The following NAV3 variants were observed in gnomAD, a reference collection of about 807,000 sequenced individuals.
NAV3 encodes the protein pore membrane and/or filament interacting like protein 1.
A neutral mutation model predicts 244.7 loss-of-function variants in NAV3; 87 were observed. The observed-to-expected ratio is 0.36, with a 90% CI of 0.30 to 0.42. The LOEUF is 0.42. Among genes scored for constraint, NAV3 ranks in the 20% least tolerant of loss-of-function variants. The pLI, the probability that NAV3 is intolerant of heterozygous loss-of-function variation, is 1.00. For synonymous variants in NAV3, 1,126 were observed against 1,042.2 expected (o/e 1.08, Z -1.55); for missense variants, 2,663 against 2,893.3 (o/e 0.92, Z 1.83).
At chr12:77,791,537 T>G (rs1018815998) in intron 2 of NAV3, among the ~76,000 whole-genome samples, 3 of 152,270 alleles carry the variant, frequency 2.0e-5, no homozygotes, top group African/African-American at 7.2e-5. Flanking sequence ...TATTGTCTCA[T>G]TTAAACCATA....
At chr12:78,109,083 T>A (rs1052470496) in intron 12 of NAV3, among the ~76,000 whole-genome samples, 1 of 151,636 alleles carries the variant, frequency 6.6e-6, no homozygotes, top group African/African-American at 2.4e-5. Context: ...GGAAAAAGAA[T>A]ATCCAAATAA....
At chr12:77,673,999 A>G (rs1356297988) in intron 2 of NAV3, among the ~76,000 whole-genome samples, 1 of 152,120 alleles carries the variant, frequency 6.6e-6, no homozygotes, top group Non-Finnish European at 1.5e-5. Flanking sequence ...CCTAATTTTA[A>G]CTTTCAAACT....
chr12:77,896,081 TG>T (rs778166048), intron 1 of NAV3, among the ~76,000 whole-genome samples: 1 of 151,940 alleles, frequency 6.6e-6, no homozygotes, highest in Non-Finnish European at 1.5e-5. Flanking sequence ...ATAGTAAGGA[TG>T]TATTTTTAAT....
intron 2 of NAV3, among the ~76,000 whole-genome samples, chr12:77,656,651 A>G (rs1316758838): frequency 1.4e-5 from 2 of 139,514 alleles, no homozygotes; most frequent in African/African-American, 2.9e-5. Context: ...TCAACAGAAT[A>G]TACATTTTTT....
At chr12:78,111,708 C>A (rs1319548637) in intron 12 of NAV3, among the ~76,000 whole-genome samples, 1 of 151,966 alleles carries the variant, frequency 6.6e-6, no homozygotes, top group African/African-American at 2.4e-5. Flanking sequence ...TTTATTCACC[C>A]AAAATATATG....
intron 2 of NAV3, among the ~76,000 whole-genome samples, chr12:77,642,949 A>G (rs1307792046): frequency 4.6e-5 from 7 of 152,070 alleles, no homozygotes. Flanking sequence ...TAGGATTTTC[A>G]TAAATCTTTT....
intron 13 of NAV3, 46 bp from the exon 14 acceptor site, chr12:78,117,981 A>G (rs758148729): frequency 1.1e-5 from 16 of 1,496,170 alleles, no homozygotes; most frequent in Non-Finnish European, 1.3e-5. Context: ...TTCATACTTT[A>G]TAAATTTTTC....
intron 38 of NAV3, among the ~76,000 whole-genome samples, chr12:78,202,178 G>T (rs6538751): frequency 0.51 from 76,747 of 151,052 alleles, 20,499 homozygotes; most frequent in East Asian, 0.8. Context: ...AGAATTCTTA[G>T]AAAACTACTA....
intron 8 of NAV3, among the ~76,000 whole-genome samples, chr12:78,018,811 C>T (rs935050434): frequency 3.9e-5 from 6 of 152,088 alleles, no homozygotes; most frequent in African/African-American, 1.2e-4. Context: ...TAATAAAAAT[C>T]CTTAGAACAC....
intron 1 of NAV3, among the ~76,000 whole-genome samples, chr12:77,940,003 A>G (rs1440659982): frequency 6.6e-6 from 1 of 152,160 alleles, no homozygotes; most frequent in African/African-American, 2.4e-5. Flanking sequence ...AATGATAGAA[A>G]CAATAAAGAG....
At chr12:77,931,080 TC>T (rs1404699060) in intron 1 of NAV3, among the ~76,000 whole-genome samples, 1 of 147,868 alleles carries the variant, frequency 6.8e-6, no homozygotes, top group African/African-American at 2.5e-5. Context: ...ATAATTTTTT[TC>T]CTATCTTATT....
intron 22 of NAV3, among the ~76,000 whole-genome samples, chr12:78,153,904 T>G (rs1312285289): frequency 2.0e-5 from 3 of 151,626 alleles, no homozygotes; most frequent in Admixed American, 6.6e-5. Flanking sequence ...TTTGGACAAT[T>G]TTTTGTAGTG....
intron 5 of NAV3, among the ~76,000 whole-genome samples, chr12:77,972,260 T>A (rs543613739): frequency 1.3e-5 from 2 of 152,276 alleles, no homozygotes; most frequent in South Asian, 4.1e-4. Context: ...ATTAAGAGTT[T>A]ACCTCAGGAA....
In NAV3 at chr12:77,722,813, C is replaced by T. The variant is rs547196682; in HGVS notation, c.72+150547C>T. Among the ~76,000 whole-genome samples, 9 of 152,044 alleles carry T rather than the reference C, an allele frequency of 5.9e-5. No individual in the cohort carries two copies. In the South Asian group the frequency reaches 1.9e-3, roughly 32 times the overall value. On this transcript the variant is annotated intron_variant, in intron 2 of 8. Transcript: ENST00000550042. ...TTTGTCTTGTTACTTGGATATCATG[C>T]AGTGTTTATGAGGATAGCAGTTTTC...
At chr12:77,790,474 T>C (rs1409709713) in intron 2 of NAV3, among the ~76,000 whole-genome samples, 1 of 152,140 alleles carries the variant, frequency 6.6e-6, no homozygotes, top group Admixed American at 6.5e-5. Context: ...AGAATTAGTT[T>C]TGGATACAGA....
chr12:77,866,284 T>G (rs1880011097), intron 1 of NAV3, among the ~76,000 whole-genome samples: 1 of 152,226 alleles, frequency 6.6e-6, no homozygotes, highest in Non-Finnish European at 1.5e-5. Flanking sequence ...AGTGAATACA[T>G]TAGTCTTAAG....
intron 12 of NAV3, among the ~76,000 whole-genome samples, chr12:78,077,657 T>C (rs981497900): frequency 3.3e-5 from 5 of 152,052 alleles, no homozygotes; most frequent in African/African-American, 1.2e-4. Context: ...AAACATATTG[T>C]CCAGGCACAG....
intron 2 of NAV3, among the ~76,000 whole-genome samples, chr12:77,741,411 A>G (rs575599721): frequency 4.6e-5 from 7 of 152,136 alleles, no homozygotes; most frequent in Admixed American, 3.3e-4. Context: ...ACACACATAT[A>G]CTGGTCACAC....
At chr12:77,574,540 G>A (rs1868988272) in intron 2 of NAV3, among the ~76,000 whole-genome samples, 1 of 152,028 alleles carries the variant, frequency 6.6e-6, no homozygotes, top group Admixed American at 6.6e-5. Flanking sequence ...AATTAATTTA[G>A]CAGGTATAGG....
Sources: allele counts gnomAD v4.1 joint callset (sites outside exome capture counted in the v4.1 genomes callset), GRCh38; gene constraint gnomAD v4.1.1; transcripts MANE v1.5; gene names NCBI Gene and HGNC (gene_info 2026-07-23, HGNC 2026-07-21).